Variants in EPB41L1 observed in about 807,000 individuals in gnomAD.
The protein encoded by EPB41L1 is erythrocyte membrane protein band 4.1 like 1.
Under a neutral mutation model 97.8 loss-of-function variants are expected in EPB41L1, and 29 were observed. That is an observed-to-expected ratio of 0.30 (90% CI 0.22 to 0.40). EPB41L1 has a LOEUF of 0.40. EPB41L1 is among the 10% of genes least tolerant of loss of function. EPB41L1 has a pLI of 1.00. For synonymous variants in EPB41L1, 383 were observed against 459.2 expected (o/e 0.83, Z 2.12); for missense variants, 812 against 1,162.3 (o/e 0.70, Z 4.38).
intron 13 of EPB41L1, among the ~76,000 whole-genome samples, chr20:36,196,685 C>G (rs971582131): frequency 6.6e-6 from 1 of 152,220 alleles, no homozygotes; most frequent in African/African-American, 2.4e-5. Context: ...AGCTTACCTT[C>G]CAGTGGTTCT....
intron 9 of EPB41L1, among the ~76,000 whole-genome samples, chr20:36,189,913 A>T (rs1261401606): frequency 6.6e-6 from 1 of 152,180 alleles, no homozygotes; most frequent in East Asian, 1.9e-4. Context: ...GTTCAGAAAG[A>T]ATGACTCACG....
intron 2 of EPB41L1, among the ~76,000 whole-genome samples, chr20:36,124,124 G>A (rs2058862800): frequency 6.6e-6 from 1 of 152,058 alleles, no homozygotes; most frequent in Non-Finnish European, 1.5e-5. Context: ...GTGTGGTGGT[G>A]GGCGCCTGTA....
intron 6 of EPB41L1, 30 bp from the exon 7 acceptor site, chr20:36,185,087 G>T (rs1320787026): frequency 6.2e-7 from 1 of 1,607,700 alleles, no homozygotes; most frequent in African/African-American, 1.3e-5. Flanking sequence ...GTAGGGCCCT[G>T]TGCCCATGCT....
intron 2 of EPB41L1, among the ~76,000 whole-genome samples, chr20:36,113,334 T>A (rs2058471863): frequency 6.6e-6 from 1 of 152,194 alleles, no homozygotes; most frequent in African/African-American, 2.4e-5. Context: ...TGTGATGTTG[T>A]CATTCTGGAG....
At chr20:36,114,324 G>T (rs529721300) in intron 2 of EPB41L1, among the ~76,000 whole-genome samples, 1 of 152,152 alleles carries the variant, frequency 6.6e-6, no homozygotes, top group Admixed American at 6.5e-5. Context: ...TAGTTTCCTG[G>T]GTGCTTTTGG....
intron 17 of EPB41L1, among the ~76,000 whole-genome samples, chr20:36,217,908 A>G (rs917702005): frequency 1.3e-5 from 2 of 152,182 alleles, no homozygotes; most frequent in Non-Finnish European, 2.9e-5. Flanking sequence ...CAGGCCACTG[A>G]GGACCTGCAG....
chr20:36,185,216 T>C lies in EPB41L1; in HGVS notation c.666T>C (p.Ala222=), dbSNP rs145441241. ...TACTGGGCTCCTACGCTGTGCAGGCTGAGCTGGGTGACTATGATGCTGAGG... is the reference window on the plus strand; with the variant it reads ...TACTGGGCTCCTACGCTGTGCAGGCCGAGCTGGGTGACTATGATGCTGAGG... ...HALLGSYAVQ[A]ELGDYDAEEH... The change falls in exon 7 of 22, where the codon GCT becomes GCC. Residue 222 remains alanine, a synonymous_variant. Transcript: ENST00000338074. 6.8e-6 allele frequency: 11 copies of C among 1,613,728 alleles called. No individual in the cohort carries two copies. In the African/African-American group the frequency reaches 1.3e-4, roughly 20 times the overall value.
intron 1 of EPB41L1, chr20:36,155,530 C>A: frequency 2.2e-6 from 1 of 451,256 alleles, no homozygotes; most frequent in Non-Finnish European, 4.5e-6. Flanking sequence ...GGTCCAAGGG[C>A]CCGAGAGGCT....
At chr20:36,135,129 C>T (rs6142515) in intron 2 of EPB41L1, among the ~76,000 whole-genome samples, 3 of 152,138 alleles carry the variant, frequency 2.0e-5, no homozygotes, top group African/African-American at 4.8e-5. Flanking sequence ...TCCCAAAGTG[C>T]TGGGATTACA....
intron 2 of EPB41L1, among the ~76,000 whole-genome samples, chr20:36,130,030 C>T (rs1009990422): frequency 6.6e-6 from 1 of 151,742 alleles, no homozygotes; most frequent in South Asian, 2.1e-4. Flanking sequence ...CAACCTCCGC[C>T]CCCCAGGTTC....
intron 2 of EPB41L1, among the ~76,000 whole-genome samples, chr20:36,139,979 C>G (rs964125141): frequency 5.9e-5 from 9 of 152,230 alleles, no homozygotes; most frequent in East Asian, 1.9e-4. Flanking sequence ...ATCCGCCCAC[C>G]TTGGCCTCCC....
Position 36,209,444 on chromosome 20 carries a change from T to C in EPB41L1, c.1669-44T>C, listed in dbSNP as rs1569328356. ...ATCTTGATTTCTCTTTCTCTCTCTCTCCCCACCCCACATCCCCATTCTTTT... is the reference window on the plus strand; with the variant it reads ...ATCTTGATTTCTCTTTCTCTCTCTCCCCCCACCCCACATCCCCATTCTTTT... On this transcript the variant is annotated intron_variant, in intron 14 of 21. Coordinates refer to ENST00000338074, the MANE Select transcript of EPB41L1 (RefSeq NM_012156.2). The surrounding 1 kb of genome is among the most constrained non-coding windows in gnomAD (Gnocchi z 4.2). 6.3e-7 allele frequency: 1 copy of C among 1,595,116 alleles called. No homozygotes were observed.
intron 11 of EPB41L1, among the ~76,000 whole-genome samples, chr20:36,193,264 C>A (rs2062042661): frequency 6.6e-6 from 1 of 152,184 alleles, no homozygotes; most frequent in African/African-American, 2.4e-5. Flanking sequence ...GGGATATTTC[C>A]CCTCTTGATG....
intron 5 of EPB41L1, among the ~76,000 whole-genome samples, chr20:36,179,783 G>A (rs1435814251): frequency 1.3e-5 from 2 of 152,228 alleles, no homozygotes; most frequent in Admixed American, 6.5e-5. Flanking sequence ...AGCTGACTCT[G>A]CAGGAGGGGG....
At chr20:36,198,667 T>C (rs1431575375) in intron 14 of EPB41L1, among the ~76,000 whole-genome samples, 1 of 152,112 alleles carries the variant, frequency 6.6e-6, no homozygotes, top group Non-Finnish European at 1.5e-5. Flanking sequence ...AGAGATAAAG[T>C]TAGGATTTGG....
At chr20:36,165,875 G>GAGCC (rs2060718751) in intron 1 of EPB41L1, among the ~76,000 whole-genome samples, 2 of 152,244 alleles carry the variant, frequency 1.3e-5, no homozygotes, top group Admixed American at 6.5e-5. Context: ...AGTACAGCAT[G>GAGCC]AGCCCCCTGA....
At chr20:36,179,481 G>T (rs2061386617) in intron 5 of EPB41L1, among the ~76,000 whole-genome samples, 3 of 152,354 alleles carry the variant, frequency 2.0e-5, no homozygotes, top group Non-Finnish European at 4.4e-5. Flanking sequence ...TCTTTTCAAG[G>T]CCTGGGGTGA....
chr20:36,150,073 T>G (rs993882146), upstream of EPB41L1, among the ~76,000 whole-genome samples: 3 of 151,772 alleles, frequency 2.0e-5, no homozygotes, highest in Non-Finnish European at 4.4e-5. Flanking sequence ...TTTTTTTGTT[T>G]TTTTTTTTTT....
intron 14 of EPB41L1, among the ~76,000 whole-genome samples, chr20:36,202,914 C>G (rs940910763): frequency 1.3e-5 from 2 of 152,098 alleles, no homozygotes; most frequent in African/African-American, 4.8e-5. Flanking sequence ...GGAGAGTTTC[C>G]TGTCTGTGCC....
Sources: gnomAD v4.1 joint callset for allele counts (sites outside exome capture counted in the v4.1 genomes callset) on GRCh38, gnomAD v4.1.1 for gene constraint, Gnocchi (gnomAD v3.1) non-coding constraint, MANE v1.5 for transcripts, NCBI Gene and HGNC (gene_info 2026-07-23, HGNC 2026-07-21) for gene names.